Variants in DLG2 observed in about 807,000 individuals in gnomAD.
DLG2 encodes disks large homolog 2.
In DLG2, 45 loss-of-function variants were observed where a neutral mutation model predicts 132.5. The ratio of observed to expected loss-of-function variants is 0.34; its 90% CI spans 0.27 to 0.44. The LOEUF is 0.44. Among genes scored for constraint, DLG2 ranks in the 20% least tolerant of loss-of-function variants. The pLI is 1.00. For synonymous variants in DLG2, 424 were observed against 419.6 expected (o/e 1.01, Z -0.13); for missense variants, 1,045 against 1,196.9 (o/e 0.87, Z 1.87).
chr11:84,354,753 T>G (rs536411927), intron 7 of DLG2, among the ~76,000 whole-genome samples: 1 of 152,264 alleles, frequency 6.6e-6, no homozygotes, highest in East Asian at 1.9e-4. Context: ...ATTGTACAGT[T>G]AGGCTCACTA....
chr11:84,002,755 C>T (rs2094414730), intron 11 of DLG2, among the ~76,000 whole-genome samples: 1 of 152,164 alleles, frequency 6.6e-6, no homozygotes, highest in African/African-American at 2.4e-5. Flanking sequence ...AGATGTCCAA[C>T]ATGCCCTGGA....
intron 3 of DLG2, among the ~76,000 whole-genome samples, chr11:85,591,006 T>A (rs963157136): frequency 3.3e-5 from 5 of 152,170 alleles, no homozygotes; most frequent in Non-Finnish European, 7.4e-5. Context: ...CTCATACTCA[T>A]CTAAAGCACA....
chr11:85,554,775 A>G (rs1460682024), intron 3 of DLG2, among the ~76,000 whole-genome samples: 1 of 151,480 alleles, frequency 6.6e-6, no homozygotes, highest in Non-Finnish European at 1.5e-5. Flanking sequence ...AATTGCTCCT[A>G]TAGGTAACAC....
In DLG2 at chr11:84,626,749, G is replaced by A. The variant is rs146489243; in HGVS notation, c.358-92018C>T. 1.2e-3 allele frequency among the ~76,000 whole-genome samples: 179 copies of A among 152,204 alleles called. 1 individual carries two copies. The highest frequency in any genetic ancestry group is 3.8e-3 in the African/African-American group (157 of 41,522). On this transcript the variant is annotated intron_variant, in intron 6 of 27. Transcript: ENST00000376104. ...TACAGGAGCAGCAAGACCCAACTAC[G>A]GCCCAAGGTTTTCTAAGCAGTGCTC...
intron 21 of DLG2, among the ~76,000 whole-genome samples, chr11:83,493,431 T>C (rs2093984291): frequency 6.6e-6 from 1 of 151,356 alleles, no homozygotes; most frequent in Non-Finnish European, 1.5e-5. Context: ...TCTGCCTGCA[T>C]ACACATTTGT....
At chr11:83,965,688 C>T (rs2090013808) in intron 12 of DLG2, among the ~76,000 whole-genome samples, 1 of 151,546 alleles carries the variant, frequency 6.6e-6, no homozygotes, top group South Asian at 2.1e-4. Context: ...AAGTGATATA[C>T]AGTAATGGAA....
At chr11:85,481,905 T>G (rs2153090445) in intron 3 of DLG2, among the ~76,000 whole-genome samples, 1 of 151,902 alleles carries the variant, frequency 6.6e-6, no homozygotes, top group East Asian at 1.9e-4. Flanking sequence ...CAGACTGAGC[T>G]TCCAAACCTG....
At chr11:84,512,849 A>G (rs1441587739) in intron 7 of DLG2, among the ~76,000 whole-genome samples, 1 of 152,144 alleles carries the variant, frequency 6.6e-6, no homozygotes, top group African/African-American at 2.4e-5. Flanking sequence ...GACATGGATA[A>G]AGCTGGAAGC....
intron 3 of DLG2, among the ~76,000 whole-genome samples, chr11:85,410,427 C>T (rs1043125153): frequency 1.3e-5 from 2 of 151,650 alleles, no homozygotes; most frequent in Non-Finnish European, 3.0e-5. Flanking sequence ...GAAAAAGGTG[C>T]CCCTTTCTCA....
intron 3 of DLG2, among the ~76,000 whole-genome samples, chr11:85,287,096 T>C (rs2078604866): frequency 6.6e-6 from 1 of 152,138 alleles, no homozygotes; most frequent in Non-Finnish European, 1.5e-5. Flanking sequence ...CTAAGAGTGA[T>C]GTGTATGCTT....
chr11:84,731,340 C>A (rs1408994526), intron 6 of DLG2, among the ~76,000 whole-genome samples: 1 of 151,946 alleles, frequency 6.6e-6, no homozygotes, highest in Non-Finnish European at 1.5e-5. Flanking sequence ...CAGATCAATG[C>A]AGTGCTGGCC....
At chr11:85,286,967 A>C (rs973431326) in intron 3 of DLG2, among the ~76,000 whole-genome samples, 1 of 152,050 alleles carries the variant, frequency 6.6e-6, no homozygotes, top group Non-Finnish European at 1.5e-5. Flanking sequence ...AGAGCTGCCA[A>C]AGATGGCCAA....
intron 6 of DLG2, among the ~76,000 whole-genome samples, chr11:84,757,149 A>G (rs754429121): frequency 6.6e-6 from 1 of 152,126 alleles, no homozygotes; most frequent in African/African-American, 2.4e-5. Flanking sequence ...GATTCCTCAT[A>G]TATTCATCCA....
intron 18 of DLG2, among the ~76,000 whole-genome samples, chr11:83,640,680 G>A (rs561488067): frequency 3.9e-4 from 60 of 152,194 alleles, no homozygotes; most frequent in Admixed American, 1.3e-3. Flanking sequence ...TAATTTTCTA[G>A]TTTCATCTTG....
chr11:84,208,972 T>A (rs1011284854), intron 8 of DLG2, among the ~76,000 whole-genome samples: 1 of 152,196 alleles, frequency 6.6e-6, no homozygotes, highest in Non-Finnish European at 1.5e-5. Context: ...TGTTTAAATA[T>A]AGACTCATAT....
intron 8 of DLG2, among the ~76,000 whole-genome samples, chr11:84,203,484 G>A (rs1486693976): frequency 1.3e-5 from 2 of 149,224 alleles, no homozygotes; most frequent in African/African-American, 4.9e-5. Flanking sequence ...TGGGAGGCTG[G>A]GGCAGGAGAA....
At chr11:85,109,553 A>C (rs2072365694) in intron 6 of DLG2, among the ~76,000 whole-genome samples, 2 of 152,160 alleles carry the variant, frequency 1.3e-5, no homozygotes, top group African/African-American at 4.8e-5. Flanking sequence ...ATAATTCAAA[A>C]GACAGAATCC....
intron 16 of DLG2, among the ~76,000 whole-genome samples, chr11:83,866,149 T>C (rs2062323968): frequency 6.6e-6 from 1 of 152,194 alleles, no homozygotes; most frequent in Non-Finnish European, 1.5e-5. Flanking sequence ...TAATGTCTCA[T>C]TTTCTCCCCC....
At chr11:84,937,682 T>C (rs1407958661) in intron 6 of DLG2, among the ~76,000 whole-genome samples, 1 of 152,122 alleles carries the variant, frequency 6.6e-6, no homozygotes, top group South Asian at 2.1e-4. Flanking sequence ...CATGAAATTT[T>C]GGGGGAAGTT....
Sources: gnomAD v4.1 joint callset for allele counts (sites outside exome capture counted in the v4.1 genomes callset) on GRCh38, gnomAD v4.1.1 for gene constraint, MANE v1.5 for transcripts, NCBI Gene and HGNC (gene_info 2026-07-23, HGNC 2026-07-21) for gene names.